The following HECTD4 variants were observed in gnomAD, a reference collection of about 807,000 sequenced individuals.
The protein encoded by HECTD4 is probable E3 ubiquitin-protein ligase HECTD4.
A neutral mutation model predicts 471.5 loss-of-function variants in HECTD4; 114 were observed. The ratio of observed to expected loss-of-function variants is 0.24; its 90% CI spans 0.21 to 0.28. HECTD4 has a LOEUF of 0.28. Among genes scored for constraint, HECTD4 ranks in the 10% least tolerant of loss-of-function variants. The probability of loss-of-function intolerance (pLI) is 1.00; values close to 1 mark genes in which losing one functional copy is unlikely to be tolerated. For synonymous variants in HECTD4, 2,012 were observed against 2,256.0 expected (o/e 0.89, Z 3.07); for missense variants, 3,866 against 5,651.5 (o/e 0.68, Z 10.13).
At chr12:112,310,154 C>G (rs1353105130) in intron 4 of HECTD4, among the ~76,000 whole-genome samples, 1 of 152,070 alleles carries the variant, frequency 6.6e-6, no homozygotes, top group African/African-American at 2.4e-5. Flanking sequence ...TAATATGTAC[C>G]TCAAGGGTTA....
intron 5 of HECTD4, 133 bp downstream of exon 5, chr12:112,309,428 G>C: frequency 5.9e-6 from 3 of 507,636 alleles, no homozygotes; most frequent in Middle Eastern, 5.5e-4. Context: ...GGAATTATTT[G>C]AATTAGTTCA....
intron 1 of HECTD4, among the ~76,000 whole-genome samples, chr12:112,327,610 A>G (rs1365251780): frequency 6.6e-6 from 1 of 152,204 alleles, no homozygotes; most frequent in Non-Finnish European, 1.5e-5. Context: ...GTTCATACAG[A>G]AGAAATGCTT....
At position 112,269,856 on chromosome 12, in the gene HECTD4, A is replaced by G. The variant is rs1378108162; in HGVS notation, c.2176-7T>C. On this transcript the variant is annotated splice_region_variant and splice_polypyrimidine_tract_variant and intron_variant, in intron 12 of 75. Coordinates refer to ENST00000682272, the MANE Select transcript of HECTD4 (RefSeq NM_001388303.1). The stretch of plus-strand genomic sequence containing the variant: ...AGAAAAATTTAAATACCACCTACAG[A>G]AACAGAAGGAGTCTATCTAAAAATG... 1 of 1,612,166 alleles carries G rather than the reference A, an allele frequency of 6.2e-7. No homozygotes were observed. Among genetic ancestry groups the G allele is most frequent in the African/African-American group, 1.3e-5 (1 of 74,870 alleles).
intron 55 of HECTD4, among the ~76,000 whole-genome samples, chr12:112,197,437 C>T (rs2032280311): frequency 6.6e-6 from 1 of 152,218 alleles, no homozygotes; most frequent in African/African-American, 2.4e-5. Context: ...CTTACCTCAG[C>T]CTCCCACTTA....
At chr12:112,164,541 G>A (rs555940034) in intron 72 of HECTD4, among the ~76,000 whole-genome samples, 12 of 152,006 alleles carry the variant, frequency 7.9e-5, no homozygotes, top group Admixed American at 1.3e-4. Flanking sequence ...GGCATGGACC[G>A]ACTATGATGG....
Position 112,176,738 on chromosome 12 carries a change from G to A in HECTD4, c.11364-36C>T, listed in dbSNP as rs556085374. 48 of 1,375,492 alleles carry A rather than the reference G, an allele frequency of 3.5e-5. No individual in the cohort carries two copies. In the African/African-American group the frequency reaches 4.6e-4, roughly 13 times the overall value. 85.2% of individuals were successfully genotyped at this position (1,375,492 alleles called of 1,614,324 possible). A position where few individuals can be genotyped will look rare whatever the true frequency, so the allele number is the denominator to read the frequency against. On this transcript the variant is annotated intron_variant, in intron 64 of 75. Transcript: ENST00000682272. ...AAGCACTGGAATTAGACTAATGCACGTTCACACCTCCTCCCGATAGGAAAT... is the reference window on the plus strand; with the variant it reads ...AAGCACTGGAATTAGACTAATGCACATTCACACCTCCTCCCGATAGGAAAT...
At chr12:112,257,287 G>C (rs992302359) in intron 20 of HECTD4, among the ~76,000 whole-genome samples, 1 of 152,266 alleles carries the variant, frequency 6.6e-6, no homozygotes, top group Admixed American at 6.5e-5. Context: ...CTATATTGCA[G>C]GTGCTAAATA....
intron 66 of HECTD4, among the ~76,000 whole-genome samples, chr12:112,174,665 A>G (rs1156546707): frequency 6.6e-6 from 1 of 151,898 alleles, no homozygotes; most frequent in Non-Finnish European, 1.5e-5. Context: ...CCTGGGTTCA[A>G]GCGATTGTCC....
At chr12:112,318,863 T>C (rs1347196685) in intron 2 of HECTD4, among the ~76,000 whole-genome samples, 3 of 152,252 alleles carry the variant, frequency 2.0e-5, no homozygotes, top group Non-Finnish European at 4.4e-5. Flanking sequence ...TATAAAGTTT[T>C]GACCATCCTC....
chr12:112,164,301 T>C, intron 72 of HECTD4, 26 bp from the exon 73 acceptor site: 1 of 1,600,044 alleles, frequency 6.2e-7, no homozygotes, highest in Non-Finnish European at 8.5e-7. Flanking sequence ...AGAGCGAGGC[T>C]CATTATGAGG....
At position 112,243,718 on chromosome 12, in the gene HECTD4, G is replaced by A. The variant is rs1289587404; in HGVS notation, c.4693C>T (p.Leu1565=). 3.1e-6 allele frequency: 5 copies of A among 1,613,938 alleles called. No individual in the cohort carries two copies. The highest frequency in any genetic ancestry group is 3.3e-4 in the Middle Eastern group (2 of 6,062). ...CTGTCCTCAATGGCCAGCGACTGCAGGAGTGTAAAGGAGCTGCTGCGGTGG... is the reference window on the plus strand; with the variant it reads ...CTGTCCTCAATGGCCAGCGACTGCAAGAGTGTAAAGGAGCTGCTGCGGTGG... The part of the protein sequence containing the change: ...TSHRSSSFTL[L]QSLAIEDSRD... The change falls in exon 31 of 76, where the codon CTG becomes TTG. Residue 1565 remains leucine (L), a synonymous_variant. Coordinates refer to ENST00000682272, the MANE Select transcript of HECTD4 (RefSeq NM_001388303.1). The surrounding 1 kb of genome is among the most constrained non-coding windows in gnomAD (Gnocchi z 6.6).
Position 112,309,621 on chromosome 12 carries a change from G to A in HECTD4, c.965C>T (p.Thr322Ile). 1 of 1,535,592 alleles carries A rather than the reference G, an allele frequency of 6.5e-7. No homozygotes were observed. Among genetic ancestry groups the A allele is most frequent in the Non-Finnish European group, 8.7e-7 (1 of 1,145,618 alleles). ...TACTCCTCTTCCAACTGAGTTAGTA[G>A]TATACAGGTAAAGACCATCTGCCGT... The part of the protein sequence containing the change: ...CLTADGLYLY[T>I]TNSVGRGVSK... Residue 322 changes from threonine (T) to isoleucine (I), a missense_variant, in exon 5 of 76, where the codon ACT (threonine) becomes ATT (isoleucine). This residue lies in a region of HECTD4 where 440 missense variants were observed against 636.0 expected (regional missense o/e 0.69). Coordinates refer to ENST00000682272, the MANE Select transcript of HECTD4 (RefSeq NM_001388303.1).
chr12:112,210,008 G>T lies in HECTD4; in HGVS notation c.7867+7C>A. ...ATGGAGGCAGTAAGTTCCAGGAGGTGACTTACGTTGCTGAGCGGTGGCCAC... is the reference window on the plus strand; with the variant it reads ...ATGGAGGCAGTAAGTTCCAGGAGGTTACTTACGTTGCTGAGCGGTGGCCAC... On this transcript the variant is annotated splice_region_variant and intron_variant, in intron 50 of 75. Transcript: ENST00000682272. 6.2e-7 allele frequency: 1 copy of T among 1,605,256 alleles called. No individual in the cohort carries two copies. The highest frequency in any genetic ancestry group is 1.1e-5 in the South Asian group (1 of 90,286).
chr12:112,326,525 A>G (rs1393446771), intron 1 of HECTD4, among the ~76,000 whole-genome samples: 1 of 152,046 alleles, frequency 6.6e-6, no homozygotes, highest in East Asian at 1.9e-4. Flanking sequence ...AAAACAGATG[A>G]TCAATCAGAT....
chr12:112,270,524 C>T (rs1482444404), intron 11 of HECTD4, 65 bp from the exon 12 acceptor site: 2 of 1,328,484 alleles, frequency 1.5e-6, no homozygotes, highest in African/African-American at 1.4e-5. Flanking sequence ...AAAGAATAGA[C>T]CTTTGACTTA....
At chr12:112,238,616 C>G (rs2033569700) in intron 34 of HECTD4, among the ~76,000 whole-genome samples, 1 of 152,096 alleles carries the variant, frequency 6.6e-6, no homozygotes, top group Non-Finnish European at 1.5e-5. Flanking sequence ...TATAGTCCTA[C>G]TTGGGAGGCT....
chr12:112,167,197 G>A (rs548365724), intron 72 of HECTD4, 120 bp downstream of exon 72: 2 of 826,126 alleles, frequency 2.4e-6, no homozygotes, highest in Admixed American at 5.4e-5. Flanking sequence ...ACACCCCTAA[G>A]GTCCTCTGTG....
chr12:112,179,504 C>A lies in HECTD4; in HGVS notation c.10988-107G>T. Reference sequence around the variant, plus strand: ...CTGTTTGAAAGGGGCAGTGGATGGACATTAGTGGAAGGAAGAGCTGCCCAC... The same window carrying A: ...CTGTTTGAAAGGGGCAGTGGATGGAAATTAGTGGAAGGAAGAGCTGCCCAC... On this transcript the variant is annotated intron_variant, in intron 62 of 75. Coordinates refer to ENST00000682272, the MANE Select transcript of HECTD4 (RefSeq NM_001388303.1). This position sits in a 1 kb window ranked among gnomAD's most constrained non-coding sequence, Gnocchi z 4.3. 2.0e-6 allele frequency: 2 copies of A among 994,840 alleles called. No homozygotes were observed. 61.6% of individuals were successfully genotyped at this position (994,840 alleles called of 1,614,324 possible).
chr12:112,266,373 G>C (rs953412857), intron 14 of HECTD4, among the ~76,000 whole-genome samples: 3 of 152,374 alleles, frequency 2.0e-5, no homozygotes. Flanking sequence ...TCTATAGTCA[G>C]ATACATTATG....
Sources: gnomAD v4.1 joint callset for allele counts (sites outside exome capture counted in the v4.1 genomes callset) on GRCh38, gnomAD v4.1.1 for gene constraint, gnomAD v4.1.1 regional missense constraint, Gnocchi (gnomAD v3.1) non-coding constraint, MANE v1.5 for transcripts, NCBI Gene and HGNC (gene_info 2026-07-23, HGNC 2026-07-21) for gene names.